PECAM1: variants seen among roughly 807,000 people sequenced by gnomAD.
PECAM1 encodes the protein platelet and endothelial cell adhesion molecule 1.
A neutral mutation model predicts 13.8 loss-of-function variants in PECAM1; 8 were observed. That is an observed-to-expected ratio of 0.58 (90% CI 0.34 to 1.05). The LOEUF is 1.05. Ranked by LOEUF, PECAM1 falls within the 50% of genes least tolerant of loss-of-function variation. The pLI, the probability that PECAM1 is intolerant of heterozygous loss-of-function variation, is 0.03. For synonymous variants in PECAM1, 136 were observed against 52.6 expected, an observed-to-expected ratio of 2.58 and a Z score of -6.86; for missense variants, 304 against 141.2, an observed-to-expected ratio of 2.15 and a Z score of -5.84.
chr17:64,323,126 AAAAGAG>A lies in PECAM1; in HGVS notation c.*684_*689del. The A allele has an allele frequency of 3.0e-6, 3 of 985,574 alleles. No homozygotes were observed. Among genetic ancestry groups the A allele is most frequent in the Non-Finnish European group, 3.6e-6 (3 of 830,010 alleles). The allele number at this position is 985,574 out of a possible 1,614,324, so 61.1% of individuals were successfully genotyped here. A position where few individuals can be genotyped will look rare whatever the true frequency, so the allele number is the denominator to read the frequency against. On this transcript the variant is annotated 3_prime_UTR_variant, in exon 16 of 16. Transcript: ENST00000563924. The stretch of plus-strand genomic sequence containing the variant: ...CTTTCAGCCTTCAGCATGGTAGAGG[AAAAGAG>A]AAAGAGTGTAGACAAAAACAGTTGA...
At chr17:64,347,138 G>A (rs1414158943) in intron 13 of PECAM1, among the ~76,000 whole-genome samples, 4 of 152,156 alleles carry the variant, frequency 2.6e-5, no homozygotes, top group African/African-American at 9.7e-5. Flanking sequence ...GGAGACAAAA[G>A]TGGGCAGATT....
chr17:64,381,028 T>C (rs2036471067), intron 2 of PECAM1, among the ~76,000 whole-genome samples: 1 of 152,100 alleles, frequency 6.6e-6, no homozygotes, highest in Non-Finnish European at 1.5e-5. Context: ...GGATATAAGA[T>C]TAATATTTTA....
At chr17:64,382,932 C>T (rs955292450) in intron 2 of PECAM1, among the ~76,000 whole-genome samples, 3 of 151,874 alleles carry the variant, frequency 2.0e-5, no homozygotes, top group East Asian at 1.9e-4. Context: ...CCCATCTACT[C>T]GGGAGGCTGA....
intron 15 of PECAM1, among the ~76,000 whole-genome samples, chr17:64,326,845 G>A (rs950481163): frequency 7.2e-5 from 11 of 152,196 alleles, no homozygotes; most frequent in Non-Finnish European, 1.6e-4. Context: ...CCTTGTACCC[G>A]GAATATGGTG....
At chr17:64,375,865 C>G (rs1378305686) in intron 3 of PECAM1, among the ~76,000 whole-genome samples, 1 of 151,528 alleles carries the variant, frequency 6.6e-6, no homozygotes, top group Non-Finnish European at 1.5e-5. Flanking sequence ...AAAATATGCT[C>G]AATGGGAGCT....
intron 14 of PECAM1, among the ~76,000 whole-genome samples, chr17:64,338,640 C>G (rs1377407087): frequency 6.6e-6 from 1 of 152,084 alleles, no homozygotes; most frequent in African/African-American, 2.4e-5. Flanking sequence ...TCACTGCAAC[C>G]TCTGCCTCCC....
Position 64,329,875 on chromosome 17 carries a change from C to T in PECAM1, c.2165-153G>A, listed in dbSNP as rs1041125193. On this transcript the variant is annotated intron_variant, in intron 14 of 15. Coordinates refer to ENST00000563924, the MANE Select transcript of PECAM1 (RefSeq NM_000442.5). ...GGCAGGTGCCCTTAGAGGTTTATGGCTCCTTTGTGCAAGACAGCTTCCCCG... is the reference window on the plus strand; with the variant it reads ...GGCAGGTGCCCTTAGAGGTTTATGGTTCCTTTGTGCAAGACAGCTTCCCCG... Among the ~76,000 whole-genome samples the T allele has an allele frequency of 6.6e-5, 10 of 152,210 alleles. 1 individual carries two copies. Among genetic ancestry groups the T allele is most frequent in the East Asian group, 3.8e-4 (2 of 5,198 alleles).
At chr17:64,352,666 T>A (rs943953659) in intron 10 of PECAM1, among the ~76,000 whole-genome samples, 1 of 152,068 alleles carries the variant, frequency 6.6e-6, no homozygotes, top group African/African-American at 2.4e-5. Context: ...AAACTTTTTT[T>A]TTTTTTTAGA....
At chr17:64,351,731 G>T (rs1437652834) in intron 11 of PECAM1, among the ~76,000 whole-genome samples, 2 of 152,100 alleles carry the variant, frequency 1.3e-5, no homozygotes, top group Non-Finnish European at 2.9e-5. Context: ...AAGAAAAGAG[G>T]AAGAGTGTTC....
intron 5 of PECAM1, among the ~76,000 whole-genome samples, chr17:64,364,643 C>A: frequency 6.8e-6 from 1 of 146,960 alleles, no homozygotes. Context: ...GGGCTTCATC[C>A]CTGGGATGCA....
At chr17:64,357,385 A>G (rs4968728) in intron 7 of PECAM1, among the ~76,000 whole-genome samples, 120,999 of 151,956 alleles carry the variant, frequency 0.8, 54,328 homozygotes, top group East Asian at 1. Flanking sequence ...CTGGAAGCCC[A>G]GCCAGCCTCA....
intron 14 of PECAM1, among the ~76,000 whole-genome samples, chr17:64,335,273 G>A (rs2035248455): frequency 6.6e-6 from 1 of 152,050 alleles, no homozygotes; most frequent in South Asian, 2.1e-4. Flanking sequence ...TACTCTTCAT[G>A]TTTAAAGTAG....
intron 12 of PECAM1, among the ~76,000 whole-genome samples, chr17:64,348,559 C>A (rs1346092227): frequency 1.3e-5 from 2 of 151,902 alleles, no homozygotes; most frequent in African/African-American, 2.4e-5. Flanking sequence ...AGGTGTGCAC[C>A]ACCATGCCCA....
rs782523890 is a variant in PECAM1 at position 64,323,841 on chromosome 17, G to A, written c.2192C>T (p.Thr731Met). ...CTAAGTTCCATCAAGGGAGCCTTCCGTTCTCTGTAGCGACAAGAAACAAGG... is the reference window on the plus strand; with the variant it reads ...CTAAGTTCCATCAAGGGAGCCTTCCATTCTCTGTAGCGACAAGAAACAAGG... ...PDAVESRYSRTEGSLDGT is the reference protein window; with the variant it reads ...PDAVESRYSRMEGSLDGT The change falls in exon 16 of 16, where the codon ACG becomes ATG. Residue 731 changes from threonine to methionine, a missense_variant. Coordinates refer to ENST00000563924, the MANE Select transcript of PECAM1 (RefSeq NM_000442.5). 15 of 812,600 alleles carry A rather than the reference G, an allele frequency of 1.8e-5. No individual in the cohort carries two copies. The highest frequency in any genetic ancestry group is 3.4e-5 in the Admixed American group (2 of 59,036). 50.3% of individuals were successfully genotyped at this position (812,600 alleles called of 1,614,324 possible). A position where few individuals can be genotyped will look rare whatever the true frequency, so the allele number is the denominator to read the frequency against.
At chr17:64,383,446 G>T (rs1000570018) in intron 2 of PECAM1, among the ~76,000 whole-genome samples, 5 of 151,618 alleles carry the variant, frequency 3.3e-5, no homozygotes, top group South Asian at 2.1e-4. Flanking sequence ...CCAGTGCCTG[G>T]CCTCTGGTTG....
At chr17:64,330,295 A>T (rs1002731415) in intron 14 of PECAM1, among the ~76,000 whole-genome samples, 1 of 152,014 alleles carries the variant, frequency 6.6e-6, no homozygotes, top group Non-Finnish European at 1.5e-5. Context: ...CTGGGATTAC[A>T]AGTGTGAGTC....
Position 64,365,553 on chromosome 17 carries a change from C to T in PECAM1, c.968-2156G>A, listed in dbSNP as rs1225620025. On this transcript the variant is annotated intron_variant, in intron 5 of 15. Coordinates refer to ENST00000563924, the MANE Select transcript of PECAM1 (RefSeq NM_000442.5). Reference sequence around the variant, plus strand: ...CAAAAGAACAAAGCTGGAGACATCACGCAACCTGACTTCAAACTATACTAC... The same window carrying T: ...CAAAAGAACAAAGCTGGAGACATCATGCAACCTGACTTCAAACTATACTAC... 3.9e-4 allele frequency among the ~76,000 whole-genome samples: 60 copies of T among 152,012 alleles called. No individual in the cohort carries two copies. The East Asian group carries it at 5.6e-3, about 14-fold the overall frequency.
Position 64,322,029 on chromosome 17 carries a change from G to A in PECAM1, c.*1787C>T, listed in dbSNP as rs1252862068. 3.4e-6 allele frequency: 4 copies of A among 1,190,456 alleles called. No homozygotes were observed. Among genetic ancestry groups the A allele is most frequent in the Admixed American group, 3.1e-5 (1 of 32,372 alleles). 73.7% of individuals were successfully genotyped at this position (1,190,456 alleles called of 1,614,324 possible). On this transcript the variant is annotated 3_prime_UTR_variant, in exon 16 of 16. Transcript: ENST00000563924. ...GTATGACATTTTCGTGATACAACTC[G>A]GTGTGTGTGTGTTGGGGAAAGGAAC...
intron 14 of PECAM1, among the ~76,000 whole-genome samples, chr17:64,337,299 C>G (rs1424335488): frequency 6.6e-6 from 1 of 152,092 alleles, no homozygotes; most frequent in South Asian, 2.1e-4. Context: ...TCCAGGTGGC[C>G]CAGGTGGTGC....
Sources: allele counts gnomAD v4.1 joint callset (sites outside exome capture counted in the v4.1 genomes callset), GRCh38; gene constraint gnomAD v4.1.1; transcripts MANE v1.5; gene names NCBI Gene and HGNC (gene_info 2026-07-23, HGNC 2026-07-21).